PTPN3: variants seen among roughly 807,000 people sequenced by gnomAD.
The protein encoded by PTPN3 is protein tyrosine phosphatase non-receptor type 3.
PTPN3 carries 96 observed loss-of-function variants against 132.7 expected under a neutral mutation model. That is an observed-to-expected ratio of 0.72 (90% CI 0.61 to 0.86). The LOEUF is 0.86. PTPN3 is among the 40% of genes least tolerant of loss of function. The pLI, the probability that PTPN3 is intolerant of heterozygous loss-of-function variation, is 0.00. For synonymous variants in PTPN3, 398 were observed against 429.0 expected (o/e 0.93, Z 0.89); for missense variants, 1,125 against 1,159.6 (o/e 0.97, Z 0.43).
intron 1 of PTPN3, among the ~76,000 whole-genome samples, chr9:109,466,410 G>A (rs904668943): frequency 3.3e-5 from 5 of 152,190 alleles, no homozygotes; most frequent in Admixed American, 3.3e-4. Flanking sequence ...GGCCAAGGTG[G>A]GAGGACTGTT....
At chr9:109,467,092 C>T (rs1226068591) in intron 1 of PTPN3, among the ~76,000 whole-genome samples, 1 of 152,118 alleles carries the variant, frequency 6.6e-6, no homozygotes, top group African/African-American at 2.4e-5. Context: ...CCCACCCCAC[C>T]ACCTCCGCCT....
intron 22 of PTPN3, among the ~76,000 whole-genome samples, chr9:109,385,761 G>A (rs776818318): frequency 2.0e-5 from 3 of 152,232 alleles, no homozygotes; most frequent in Non-Finnish European, 2.9e-5. Flanking sequence ...CTGAAGCTAG[G>A]AGGCTGGCAA....
At chr9:109,431,330 C>A (rs932110687) in intron 10 of PTPN3, among the ~76,000 whole-genome samples, 3 of 152,248 alleles carry the variant, frequency 2.0e-5, no homozygotes, top group African/African-American at 7.2e-5. Context: ...TGTCTGTGGG[C>A]CCTTAGGAGG....
the PTPN3 span, among the ~76,000 whole-genome samples, chr9:109,503,541 CT>C: frequency 6.6e-6 from 1 of 151,934 alleles, no homozygotes; most frequent in Admixed American, 6.6e-5. Context: ...CCTGTCTCTA[CT>C]TAAAAAAAAT....
At chr9:109,459,566 T>C (rs528396351) in intron 2 of PTPN3, among the ~76,000 whole-genome samples, 9 of 152,142 alleles carry the variant, frequency 5.9e-5, no homozygotes, top group Non-Finnish European at 1.0e-4. Context: ...TTTTTATTTT[T>C]TTAGAGACAG....
the PTPN3 span, among the ~76,000 whole-genome samples, chr9:109,528,760 T>C: frequency 6.6e-6 from 1 of 152,176 alleles, no homozygotes; most frequent in Non-Finnish European, 1.5e-5. Flanking sequence ...TGTGTGTGTG[T>C]AACAGCCTTT....
chr9:109,474,623 G>T (rs77573624), intron 1 of PTPN3, among the ~76,000 whole-genome samples: 1 of 152,098 alleles, frequency 6.6e-6, no homozygotes, highest in African/African-American at 2.4e-5. Context: ...GCAAAGGTTG[G>T]GGGGGAAAAT....
intron 14 of PTPN3, among the ~76,000 whole-genome samples, chr9:109,413,498 T>C (rs184363782): frequency 5.4e-4 from 82 of 152,318 alleles, no homozygotes; most frequent in African/African-American, 1.9e-3. Context: ...AAAGCCCTAG[T>C]GCCTCCTCTG....
the PTPN3 span, among the ~76,000 whole-genome samples, chr9:109,510,574 AAAATATATATATATAT>A: frequency 2.0e-5 from 1 of 49,202 alleles, no homozygotes; most frequent in East Asian, 6.5e-4. Context: ...AAAAAAAAAA[AAAATATATATATATAT>A]ATATATATAT....
At chr9:109,381,861 C>T (rs962772605) in intron 24 of PTPN3, 74 bp from the exon 25 acceptor site, 39 of 1,565,924 alleles carry the variant, frequency 2.5e-5, no homozygotes, top group Admixed American at 2.0e-4. Flanking sequence ...AGCAGTTCCC[C>T]GCTGACTCCA....
intron 5 of PTPN3, among the ~76,000 whole-genome samples, chr9:109,452,353 C>T (rs1228082285): frequency 1.3e-5 from 2 of 150,954 alleles, no homozygotes; most frequent in South Asian, 2.1e-4. Flanking sequence ...AAAACGTTTG[C>T]TTCAGTAATT....
At chr9:109,427,444 T>C (rs1045096689) in intron 11 of PTPN3, among the ~76,000 whole-genome samples, 1 of 152,192 alleles carries the variant, frequency 6.6e-6, no homozygotes, top group South Asian at 2.1e-4. Context: ...TCTGATACAC[T>C]CCTTTTAAAT....
chr9:109,391,263 A>G, intron 20 of PTPN3, 64 bp from the exon 21 acceptor site: 2 of 1,496,382 alleles, frequency 1.3e-6, no homozygotes, highest in Middle Eastern at 1.7e-4. Flanking sequence ...CAAGTAAACC[A>G]GAGTTCAGTT....
intron 7 of PTPN3, among the ~76,000 whole-genome samples, chr9:109,440,960 C>G (rs907455262): frequency 1.3e-5 from 2 of 152,138 alleles, no homozygotes; most frequent in African/African-American, 4.8e-5. Flanking sequence ...GGTTTCACAT[C>G]GATTTCAATG....
Position 109,463,313 on chromosome 9 carries a change from T to C in PTPN3, c.122A>G (p.Gln41Arg), listed in dbSNP as rs753202614. The C allele has an allele frequency of 1.2e-6, 2 of 1,609,666 alleles. No individual in the cohort carries two copies. The highest frequency in any genetic ancestry group is 1.7e-6 in the Non-Finnish European group (2 of 1,178,584). ...AGAACTTACAGTAACTTTAAAGGTC[T>C]GTACCACGCCATCTAAAAAGTGGAT... ...CSIHFLDGVV[Q>R]TFKVTKQDTG... Residue 41 changes from glutamine to arginine, a missense_variant, in exon 2 of 26, where the codon CAG (glutamine) becomes CGG (arginine). Physicochemically the swap from Gln to Arg is conservative, Grantham distance 43. Coordinates refer to ENST00000374541, the MANE Select transcript of PTPN3 (RefSeq NM_002829.4).
chr9:109,448,920 A>T lies in PTPN3; in HGVS notation c.369-65T>A, dbSNP rs1381518799. On this transcript the variant is annotated intron_variant, in intron 5 of 25. Coordinates refer to ENST00000374541, the MANE Select transcript of PTPN3 (RefSeq NM_002829.4). ...AAATAAGCAAAAAAAAAAAAAAAAG[A>T]AAGTTTGATGAGTCAAAGACAAGAG... 7.1e-6 allele frequency: 11 copies of T among 1,550,248 alleles called. No homozygotes were observed. In the East Asian group the frequency reaches 9.0e-5, roughly 13 times the overall value.
chr9:109,385,339 G>T (rs1564373582), intron 22 of PTPN3, among the ~76,000 whole-genome samples: 1 of 152,048 alleles, frequency 6.6e-6, no homozygotes, highest in South Asian at 2.1e-4. Flanking sequence ...AACTTCTTTG[G>T]GTCTCAGTCT....
intron 11 of PTPN3, 62 bp downstream of exon 11, chr9:109,428,559 C>A: frequency 6.5e-7 from 1 of 1,547,770 alleles, no homozygotes; most frequent in Non-Finnish European, 8.9e-7. Flanking sequence ...TAGCGAGACC[C>A]TGTCTCTAAC....
At chr9:109,525,028 G>C in the PTPN3 span, among the ~76,000 whole-genome samples, 1 of 152,128 alleles carries the variant, frequency 6.6e-6, no homozygotes, top group Non-Finnish European at 1.5e-5. Flanking sequence ...TTACAGGTGT[G>C]AGCCACCTTG....
Sources: gnomAD v4.1 joint callset for allele counts (sites outside exome capture counted in the v4.1 genomes callset) on GRCh38, gnomAD v4.1.1 for gene constraint, MANE v1.5 for transcripts, NCBI Gene and HGNC (gene_info 2026-07-23, HGNC 2026-07-21) for gene names.